Variants in ZNF148 observed in about 807,000 individuals in gnomAD.
ZNF148 encodes zinc finger protein 148.
A neutral mutation model predicts 67.7 loss-of-function variants in ZNF148; 7 were observed. The ratio of observed to expected loss-of-function variants is 0.10; its 90% CI spans 0.06 to 0.19. ZNF148 has a LOEUF of 0.19. ZNF148 is among the 10% of genes least tolerant of loss of function. The probability of loss-of-function intolerance (pLI) is 1.00; values close to 1 mark genes in which losing one functional copy is unlikely to be tolerated. For missense variants in ZNF148, 583 were observed against 947.1 expected, an observed-to-expected ratio of 0.62 and a Z score of 5.05; for synonymous variants, 333 against 330.7, an observed-to-expected ratio of 1.01 and a Z score of -0.08.
chr3:125,234,277 A>G lies in ZNF148; in HGVS notation c.720T>C (p.Tyr240=), dbSNP rs768986621. ...DECGMRFIQK[Y]HMERHKRTHS... is the part of the protein sequence containing the mutation. ...GAGTTCTCTTATGCCTTTCCATATG[A>G]TATTTTTGTATGAATCTCATACCAC... Residue 240 remains tyrosine, a synonymous_variant, in exon 8 of 9, where the codon TAT becomes TAC. Coordinates refer to ENST00000360647, the MANE Select transcript of ZNF148 (RefSeq NM_021964.3). The G allele has an allele frequency of 9.3e-6, 15 of 1,611,520 alleles. No individual in the cohort carries two copies. The South Asian group carries it at 1.3e-4, about 14-fold the overall frequency.
chr3:125,319,236 G>C lies in ZNF148; in HGVS notation c.-17+4073C>G, dbSNP rs1247688962. ...AATGTTTCTAATCAATTATGTGTAAGTAATTAAAAACTAAGCTTTATAGAT... is the reference window on the plus strand; with the variant it reads ...AATGTTTCTAATCAATTATGTGTAACTAATTAAAAACTAAGCTTTATAGAT... On this transcript the variant is annotated intron_variant, in intron 3 of 8. Coordinates refer to ENST00000360647, the MANE Select transcript of ZNF148 (RefSeq NM_021964.3). Among the ~76,000 whole-genome samples the C allele has an allele frequency of 2.0e-5, 3 of 152,156 alleles. No homozygotes were observed. In the East Asian group the frequency reaches 5.8e-4, roughly 29 times the overall value.
intron 7 of ZNF148, among the ~76,000 whole-genome samples, chr3:125,248,355 T>C (rs1197625748): frequency 6.6e-6 from 1 of 152,186 alleles, no homozygotes; most frequent in Non-Finnish European, 1.5e-5. Flanking sequence ...AAGTGCCCTA[T>C]AATAAGAGCT....
intron 1 of ZNF148, among the ~76,000 whole-genome samples, chr3:125,332,479 G>A (rs1264622014): frequency 6.6e-6 from 1 of 152,058 alleles, no homozygotes; most frequent in Non-Finnish European, 1.5e-5. Context: ...ATTAAATTAG[G>A]TTTAAAGTTG....
chr3:125,362,184 A>G (rs778350883), intron 1 of ZNF148, among the ~76,000 whole-genome samples: 4 of 152,200 alleles, frequency 2.6e-5, no homozygotes, highest in Admixed American at 6.5e-5. Context: ...GACTAATCCA[A>G]ATCATTTTCA....
chr3:125,350,142 G>T (rs1451427201), intron 1 of ZNF148, among the ~76,000 whole-genome samples: 3 of 139,018 alleles, frequency 2.2e-5, no homozygotes, highest in African/African-American at 8.5e-5. Context: ...TTATCCAAAA[G>T]AATTGATAAT....
At chr3:125,299,204 G>A (rs904717598) in intron 4 of ZNF148, among the ~76,000 whole-genome samples, 1 of 152,154 alleles carries the variant, frequency 6.6e-6, no homozygotes, top group African/African-American at 2.4e-5. Flanking sequence ...ATGTAGCTAG[G>A]CTGACTCTAC....
At chr3:125,279,055 T>C in intron 6 of ZNF148, 69 bp downstream of exon 6, 1 of 1,453,116 alleles carries the variant, frequency 6.9e-7, no homozygotes, top group East Asian at 2.4e-5. Context: ...GAATGACAGT[T>C]ACACGAAGAT....
intron 1 of ZNF148, among the ~76,000 whole-genome samples, chr3:125,354,262 G>A (rs1942263460): frequency 6.6e-6 from 1 of 151,880 alleles, no homozygotes; most frequent in South Asian, 2.1e-4. Flanking sequence ...GATGTTCACT[G>A]CTCCTGCGGC....
intron 7 of ZNF148, among the ~76,000 whole-genome samples, chr3:125,269,205 C>CAAAAAAA (rs71148173): frequency 1.0e-5 from 1 of 96,866 alleles, no homozygotes; most frequent in Non-Finnish European, 1.9e-5. Flanking sequence ...CGGTCTCTAC[C>CAAAAAAA]AAAAAAAAAA....
intron 1 of ZNF148, among the ~76,000 whole-genome samples, chr3:125,364,926 C>T (rs769644337): frequency 2.0e-5 from 3 of 152,198 alleles, no homozygotes; most frequent in East Asian, 3.8e-4. Context: ...AGACCACCAA[C>T]CCCTAAACAT....
intron 1 of ZNF148, among the ~76,000 whole-genome samples, chr3:125,332,220 A>G (rs569418654): frequency 6.6e-6 from 1 of 152,276 alleles, no homozygotes; most frequent in South Asian, 2.1e-4. Flanking sequence ...TAGCTTTGTT[A>G]TTGAGGTAGT....
chr3:125,252,358 A>T (rs1579621820), intron 7 of ZNF148, among the ~76,000 whole-genome samples: 2 of 76,194 alleles, frequency 2.6e-5, no homozygotes, highest in African/African-American at 5.8e-5. Flanking sequence ...TTTCATTATT[A>T]AAAAAAAAGA....
intron 3 of ZNF148, among the ~76,000 whole-genome samples, chr3:125,316,835 CAGA>C (rs1342128873): frequency 6.6e-6 from 1 of 152,068 alleles, no homozygotes; most frequent in Non-Finnish European, 1.5e-5. Context: ...CTTTCCTGTG[CAGA>C]AGATTTTTAG....
At chr3:125,359,100 T>C (rs1022295308) in intron 1 of ZNF148, among the ~76,000 whole-genome samples, 4 of 152,200 alleles carry the variant, frequency 2.6e-5, no homozygotes, top group African/African-American at 9.6e-5. Flanking sequence ...AAAACAACTC[T>C]AGACTGAATC....
intron 7 of ZNF148, among the ~76,000 whole-genome samples, chr3:125,254,205 T>C (rs1936969801): frequency 1.3e-5 from 2 of 152,212 alleles, no homozygotes; most frequent in Admixed American, 6.5e-5. Context: ...CTTATGACTA[T>C]GTAGATCTAA....
chr3:125,301,818 C>T (rs180973360), intron 4 of ZNF148, among the ~76,000 whole-genome samples: 1 of 152,310 alleles, frequency 6.6e-6, no homozygotes, highest in African/African-American at 2.4e-5. Flanking sequence ...AATCCCACCA[C>T]TCTGGGAGGC....
At chr3:125,295,222 G>A (rs911206581) in intron 4 of ZNF148, among the ~76,000 whole-genome samples, 14 of 152,126 alleles carry the variant, frequency 9.2e-5, no homozygotes, top group Non-Finnish European at 2.9e-5. Context: ...TTGGGAGGCC[G>A]AGGTGGGTGG....
intron 7 of ZNF148, among the ~76,000 whole-genome samples, chr3:125,234,982 T>C (rs1355968642): frequency 2.6e-5 from 4 of 152,184 alleles, no homozygotes; most frequent in African/African-American, 4.8e-5. Flanking sequence ...TTCTGATTCA[T>C]AGTCAGGTGT....
intron 2 of ZNF148, among the ~76,000 whole-genome samples, chr3:125,325,314 A>G (rs1244835033): frequency 6.6e-6 from 1 of 152,190 alleles, no homozygotes; most frequent in African/African-American, 2.4e-5. Context: ...TCCACTCTGA[A>G]AAACAGAGTA....
Sources: allele counts gnomAD v4.1 joint callset (sites outside exome capture counted in the v4.1 genomes callset), GRCh38; gene constraint gnomAD v4.1.1; transcripts MANE v1.5; gene names NCBI Gene and HGNC (gene_info 2026-07-23, HGNC 2026-07-21).